APC: variants seen among roughly 807,000 people sequenced by gnomAD.
The protein encoded by APC is adenomatous polyposis coli protein.
Under a neutral mutation model 247.0 loss-of-function variants are expected in APC, and 72 were observed. The observed-to-expected ratio is 0.29, with a 90% CI of 0.24 to 0.35. The LOEUF (loss-of-function observed/expected upper bound fraction) is 0.35, where lower values mean the gene tolerates loss of function less well. Among genes scored for constraint, APC ranks in the 10% least tolerant of loss-of-function variants. The pLI is 1.00. For missense variants in APC, 3,400 were observed against 3,360.7 expected (o/e 1.01, Z -0.29); for synonymous variants, 1,254 against 1,162.5 (o/e 1.08, Z -1.60).
At position 112,839,053 on chromosome 5, in the gene APC, TGAA is replaced by T. The variant is rs386833391; in HGVS notation, c.3468_3470del (p.Glu1157del). The T allele has an allele frequency of 8.3e-4, 1,339 of 1,614,062 alleles. 11 individuals carry two copies. The African/African-American group carries it at 0.014, about 17-fold the overall frequency. ...AACGTTACTCTGAAGAAGAACAGCA[TGAA>T]GAAGAAGAGAGACCAACAAATTATA... is the stretch of plus-strand genomic sequence containing the variant. On this transcript the variant is annotated inframe_deletion, in exon 16 of 16. Coordinates refer to ENST00000257430, the MANE Select transcript of APC (RefSeq NM_000038.6). This position sits in a 1 kb window ranked among gnomAD's most constrained non-coding sequence, Gnocchi z 5.0.
chr5:112,806,680 C>T (rs549384582), intron 8 of APC, among the ~76,000 whole-genome samples: 1 of 152,140 alleles, frequency 6.6e-6, no homozygotes, highest in East Asian at 1.9e-4. Context: ...CAGGCTCAAG[C>T]CATTCTTCCA....
At chr5:112,771,236 T>C (rs1054594341) in intron 4 of APC, among the ~76,000 whole-genome samples, 4 of 152,180 alleles carry the variant, frequency 2.6e-5, no homozygotes, top group African/African-American at 9.6e-5. Context: ...CTCAAGTTTC[T>C]AATTGCCTTT....
chr5:112,785,557 C>T lies in APC; in HGVS notation c.645+4654C>T, dbSNP rs113741875. Among the ~76,000 whole-genome samples the T allele has an allele frequency of 8.0e-3, 1,223 of 152,064 alleles. 14 individuals are homozygous for T. Among genetic ancestry groups the T allele is most frequent in the African/African-American group, 0.027 (1,113 of 41,478 alleles). ...ATTTCCAAAAACATTTATGAAAGAA[C>T]GCATAATTGAAGATTTACCTTACCA... On this transcript the variant is annotated intron_variant, in intron 6 of 15. Coordinates refer to ENST00000257430, the MANE Select transcript of APC (RefSeq NM_000038.6).
chr5:112,778,917 A>C (rs1477782239), intron 5 of APC, among the ~76,000 whole-genome samples: 1 of 152,224 alleles, frequency 6.6e-6, no homozygotes, highest in African/African-American at 2.4e-5. Context: ...TTCATTTTCT[A>C]CTACTACTTT....
chr5:112,794,031 A>T (rs1561504949), intron 7 of APC, among the ~76,000 whole-genome samples: 1 of 124,094 alleles, frequency 8.1e-6, no homozygotes, highest in Non-Finnish European at 1.7e-5. Context: ...GAGACGTGGA[A>T]CTAAGTCTCT....
chr5:112,775,171 T>C (rs953670620), intron 4 of APC, among the ~76,000 whole-genome samples: 1 of 152,226 alleles, frequency 6.6e-6, no homozygotes, highest in African/African-American at 2.4e-5. Context: ...TTCTTATTAT[T>C]TTGGCTGCTG....
intron 6 of APC, among the ~76,000 whole-genome samples, chr5:112,781,545 T>C (rs1327464936): frequency 6.6e-6 from 1 of 152,230 alleles, no homozygotes; most frequent in Non-Finnish European, 1.5e-5. Context: ...TGTTTTCTTT[T>C]TTAACTTTTG....
chr5:112,833,156 G>C (rs568659872), intron 14 of APC, among the ~76,000 whole-genome samples: 1 of 150,626 alleles, frequency 6.6e-6, no homozygotes, highest in East Asian at 2.0e-4. Flanking sequence ...TGGACCTATA[G>C]GTGTGCACCA....
Position 112,828,763 on chromosome 5 carries a change from A to C in APC, c.1627-93A>C, listed in dbSNP as rs115157960. ...CACGGCTAGCCAGAATTTCTTTCTT[A>C]ATAGATTTCTATTCTTACTGCTAGC... is the stretch of plus-strand genomic sequence containing the variant. On this transcript the variant is annotated intron_variant, in intron 13 of 15. Transcript: ENST00000257430. 2.3e-3 allele frequency: 2,047 copies of C among 893,278 alleles called. 31 individuals carry two copies. The African/African-American group carries it at 0.031, about 14-fold the overall frequency. 55.3% of individuals were successfully genotyped at this position (893,278 alleles called of 1,614,324 possible).
upstream of APC, among the ~76,000 whole-genome samples, chr5:112,733,767 T>G (rs1026434067): frequency 1.3e-5 from 2 of 152,196 alleles, no homozygotes; most frequent in Non-Finnish European, 2.9e-5. Context: ...AGGAACTATT[T>G]TATTGTAGGA....
chr5:112,777,055 A>G (rs971451147), intron 5 of APC, among the ~76,000 whole-genome samples: 4 of 152,158 alleles, frequency 2.6e-5, no homozygotes, highest in African/African-American at 9.7e-5. Context: ...GGCTGCTTTA[A>G]AATTATCCAA....
chr5:112,738,027 G>A (rs1036722344), intron 1 of APC, 102 bp downstream of exon 1: 7 of 763,682 alleles, frequency 9.2e-6, no homozygotes, highest in African/African-American at 1.9e-5. Flanking sequence ...TTGGCACAGG[G>A]TCCACTGCAG....
At position 112,767,200 on chromosome 5, in the gene APC, G is replaced by A. The variant is rs1253209514; in HGVS notation, c.232G>A (p.Asp78Asn). The change falls in exon 4 of 16, where the codon GAT (aspartate) becomes AAT (asparagine). Residue 78 changes from aspartate to asparagine, a missense_variant. Physicochemically the swap from Asp to Asn is conservative, Grantham distance 23. Coordinates refer to ENST00000257430, the MANE Select transcript of APC (RefSeq NM_000038.6). The part of the protein sequence containing the change: ...LLERLKELNL[D>N]SSNFPGVKLR... ...TCTATTTTATTTAGAGCTTAACTTA[G>A]ATAGCAGTAATTTCCCTGGAGTAAA... 5 of 1,613,756 alleles carry A rather than the reference G, an allele frequency of 3.1e-6. No individual in the cohort carries two copies. The highest frequency in any genetic ancestry group is 4.2e-6 in the Non-Finnish European group (5 of 1,179,672).
rs143894639 is a variant in APC at position 112,769,817 on chromosome 5, T to G, written c.422+2427T>G. 5.2e-3 allele frequency among the ~76,000 whole-genome samples: 790 copies of G among 152,350 alleles called. 4 individuals are homozygous for G. The highest frequency in any genetic ancestry group is 0.018 in the African/African-American group (758 of 41,590). Reference sequence around the variant, plus strand: ...TTATAACTTTCTCTCCAGTTTCATATATGCCCATTTATAAAAATAGGGATA... The same window carrying G: ...TTATAACTTTCTCTCCAGTTTCATAGATGCCCATTTATAAAAATAGGGATA... On this transcript the variant is annotated intron_variant, in intron 4 of 15. Coordinates refer to ENST00000257430, the MANE Select transcript of APC (RefSeq NM_000038.6).
intron 9 of APC, among the ~76,000 whole-genome samples, 198 bp downstream of exon 9, chr5:112,815,791 G>T (rs545521886): frequency 5.8e-4 from 89 of 152,168 alleles, no homozygotes; most frequent in African/African-American, 2.0e-3. Flanking sequence ...CAAAAATTTA[G>T]CCAGTGTGGT....
rs1341565245 is a variant in APC, at chr5:112,827,205, A to C, written c.1506A>C (p.Gly502=). The change falls in exon 12 of 16, where the codon GGA becomes GGC. Residue 502 remains glycine (G), a synonymous_variant. Transcript: ENST00000257430. ...HYSITLRRYA[G]MALTNLTFGD... ...GTATTACACTAAGACGATATGCTGG[A>C]ATGGCTTTGACAAACTTGACTTTTG... The C allele has an allele frequency of 6.2e-7, 1 of 1,613,964 alleles. No homozygotes were observed. The highest frequency in any genetic ancestry group is 1.1e-5 in the South Asian group (1 of 91,076).
intron 10 of APC, among the ~76,000 whole-genome samples, chr5:112,821,060 G>A (rs1166863410): frequency 6.0e-5 from 9 of 149,986 alleles, no homozygotes; most frequent in African/African-American, 2.2e-4. Context: ...TGAGAGACGG[G>A]GTTTTGCCAT....
intron 14 of APC, among the ~76,000 whole-genome samples, chr5:112,833,131 A>G (rs1188053785): frequency 6.7e-6 from 1 of 150,088 alleles, no homozygotes; most frequent in Admixed American, 6.6e-5. Context: ...CTCCCGCCTC[A>G]GCTTCTCAAG....
At position 112,765,447 on chromosome 5, in the gene APC, G is replaced by A. The variant is rs150129982; in HGVS notation, c.136-879G>A. 2.8e-3 allele frequency among the ~76,000 whole-genome samples: 422 copies of A among 152,218 alleles called. 2 individuals carry two copies. The highest frequency in any genetic ancestry group is 4.6e-3 in the Non-Finnish European group (310 of 68,010). On this transcript the variant is annotated intron_variant, in intron 2 of 15. Coordinates refer to ENST00000257430, the MANE Select transcript of APC (RefSeq NM_000038.6). ...ACTGTCAAGATAAATCAGTGAAACC[G>A]TCTTTGCTCCAGTCACTCACTTTTT...
Sources: allele counts gnomAD v4.1 joint callset (sites outside exome capture counted in the v4.1 genomes callset), GRCh38; gene constraint gnomAD v4.1.1; non-coding constraint Gnocchi (gnomAD v3.1); transcripts MANE v1.5; gene names NCBI Gene and HGNC (gene_info 2026-07-23, HGNC 2026-07-21).